SPRYD7: variants seen among roughly 807,000 people sequenced by gnomAD.
The protein encoded by SPRYD7 is SPRY domain-containing protein 7.
In SPRYD7, 14 loss-of-function variants were observed where a neutral mutation model predicts 23.8. The ratio of observed to expected loss-of-function variants is 0.59; its 90% confidence interval spans 0.39 to 0.92. The LOEUF is 0.92. SPRYD7 is among the 40% of genes least tolerant of loss of function. SPRYD7 has a pLI of 0.00. For missense variants in SPRYD7, 194 were observed against 241.7 expected, an observed-to-expected ratio of 0.80 and a Z score of 1.31; for synonymous variants, 75 against 84.9, an observed-to-expected ratio of 0.88 and a Z score of 0.64.
intron 4 of SPRYD7, among the ~76,000 whole-genome samples, chr13:49,918,859 A>G (rs1955783308): frequency 6.6e-6 from 1 of 151,406 alleles, no homozygotes; most frequent in Non-Finnish European, 1.5e-5. Context: ...GGATTACAGG[A>G]GTGCGCTACC....
chr13:49,925,720 G>T lies in SPRYD7; in HGVS notation c.390+2199C>A, dbSNP rs138970103. Among the ~76,000 whole-genome samples, 1,310 of 151,916 alleles carry T rather than the reference G, an allele frequency of 8.6e-3. 13 individuals are homozygous for T. The highest frequency in any genetic ancestry group is 0.029 in the African/African-American group (1,185 of 41,400). ...CCAGCTACTCAGGAGGCTGAGGCAG[G>T]AGTATGGCGTGAACCCAGGAGGTGT... On this transcript the variant is annotated intron_variant, in intron 3 of 4. Coordinates refer to ENST00000361840, the MANE Select transcript of SPRYD7 (RefSeq NM_020456.4).
At chr13:49,920,678 T>A (rs1261113529) in intron 4 of SPRYD7, among the ~76,000 whole-genome samples, 1 of 152,136 alleles carries the variant, frequency 6.6e-6, no homozygotes, top group African/African-American at 2.4e-5. Context: ...AAGGTCCTTA[T>A]GGCTGGGCAC....
chr13:49,931,459 C>A (rs184807068), intron 1 of SPRYD7, among the ~76,000 whole-genome samples: 1 of 152,116 alleles, frequency 6.6e-6, no homozygotes, highest in African/African-American at 2.4e-5. Flanking sequence ...GGATTACAGG[C>A]GTGAAGCACC....
intron 1 of SPRYD7, among the ~76,000 whole-genome samples, chr13:49,935,067 A>C (rs1277429520): frequency 6.6e-6 from 1 of 152,256 alleles, no homozygotes; most frequent in Non-Finnish European, 1.5e-5. Context: ...GAGAATTAAA[A>C]GTAAATACAC....
At chr13:49,917,590 T>C (rs1464913075) in intron 4 of SPRYD7, among the ~76,000 whole-genome samples, 3 of 152,238 alleles carry the variant, frequency 2.0e-5, no homozygotes, top group Non-Finnish European at 4.4e-5. Context: ...AAACACTTGG[T>C]TTAATTGGAC....
At chr13:49,924,938 T>G (rs996364292) in intron 3 of SPRYD7, among the ~76,000 whole-genome samples, 1 of 148,544 alleles carries the variant, frequency 6.7e-6, no homozygotes, top group Non-Finnish European at 1.5e-5. Context: ...ACTGCATCAT[T>G]GCACTTCAGC....
At chr13:49,915,609 C>T (rs1285326440) in intron 4 of SPRYD7, among the ~76,000 whole-genome samples, 1 of 152,184 alleles carries the variant, frequency 6.6e-6, no homozygotes, top group Non-Finnish European at 1.5e-5. Flanking sequence ...ATGACTACAG[C>T]TCAACATCCA....
intron 3 of SPRYD7, among the ~76,000 whole-genome samples, chr13:49,921,848 A>G (rs1396615183): frequency 6.6e-6 from 1 of 152,228 alleles, no homozygotes; most frequent in Admixed American, 6.5e-5. Flanking sequence ...TATAATCTGG[A>G]TTTTATATTT....
chr13:49,913,069 G>A lies in SPRYD7; in HGVS notation c.*1994C>T, dbSNP rs899321338. The A allele has an allele frequency of 3.3e-5, 5 of 152,180 alleles. No homozygotes were observed. The highest frequency in any genetic ancestry group is 1.2e-4 in the African/African-American group (5 of 41,446). 9.4% of individuals were successfully genotyped at this position (152,180 alleles called of 1,614,324 possible). Reference sequence around the variant, plus strand: ...GGTGGGTCTGGTGTGGGTTCTGAGAGTGTCCATTTTTAACAAGTTCCAGTG... The same window carrying A: ...GGTGGGTCTGGTGTGGGTTCTGAGAATGTCCATTTTTAACAAGTTCCAGTG... On this transcript the variant is annotated 3_prime_UTR_variant, in exon 5 of 5. Transcript: ENST00000361840.
At chr13:49,936,015 C>T (rs1016824605) in intron 1 of SPRYD7, 115 bp downstream of exon 1, 36 of 572,728 alleles carry the variant, frequency 6.3e-5, no homozygotes, top group Non-Finnish European at 9.4e-5. Context: ...ATGGTGTCGG[C>T]GCAGCGTCGC....
At chr13:49,925,319 G>A (rs1436060914) in intron 3 of SPRYD7, among the ~76,000 whole-genome samples, 1 of 152,160 alleles carries the variant, frequency 6.6e-6, no homozygotes, top group Non-Finnish European at 1.5e-5. Context: ...TTGAATCCAG[G>A]AGGTGGAGGT....
intron 2 of SPRYD7, among the ~76,000 whole-genome samples, chr13:49,928,434 C>G (rs185516227): frequency 1.3e-5 from 2 of 151,936 alleles, no homozygotes; most frequent in South Asian, 4.1e-4. Context: ...AAAGCCAGAC[C>G]CTGTCTCAAT....
intron 4 of SPRYD7, among the ~76,000 whole-genome samples, chr13:49,918,001 G>A (rs1469361954): frequency 3.3e-5 from 5 of 152,110 alleles, no homozygotes; most frequent in African/African-American, 1.2e-4. Context: ...ATTTGTTATT[G>A]TATAATTCTG....
Position 49,931,091 on chromosome 13 carries a change from T to C in SPRYD7, c.150A>G (p.Gly50=). 4 of 1,613,590 alleles carry C rather than the reference T, an allele frequency of 2.5e-6. No homozygotes were observed. Among genetic ancestry groups the C allele is most frequent in the Non-Finnish European group, 2.5e-6 (3 of 1,179,692 alleles). ...VIVKNGRRIC[G]TGGCLASAPL... Reference sequence around the variant, plus strand: ...GTGCGCTGGCTAAACAACCTCCTGTTCCACATATTCTTCTTCCATTCTTTA... The same window carrying C: ...GTGCGCTGGCTAAACAACCTCCTGTCCCACATATTCTTCTTCCATTCTTTA... Residue 50 remains glycine (G), a synonymous_variant, in exon 2 of 5, where the codon GGA becomes GGG. Transcript: ENST00000361840.
intron 4 of SPRYD7, among the ~76,000 whole-genome samples, chr13:49,921,156 G>T (rs1955814653): frequency 6.6e-6 from 1 of 152,132 alleles, no homozygotes; most frequent in South Asian, 2.1e-4. Context: ...AATCATGGGG[G>T]TGGTTACACT....
chr13:49,927,545 G>T (rs1272926821), intron 3 of SPRYD7, among the ~76,000 whole-genome samples: 2 of 151,238 alleles, frequency 1.3e-5, no homozygotes, highest in Non-Finnish European at 1.5e-5. Context: ...TTCCCTAAGA[G>T]ATATCCAGCC....
intron 4 of SPRYD7, among the ~76,000 whole-genome samples, chr13:49,920,594 A>C (rs1955806675): frequency 6.6e-6 from 1 of 152,208 alleles, no homozygotes; most frequent in African/African-American, 2.4e-5. Context: ...TTATTTTAAT[A>C]CATGGGGAAC....
At chr13:49,929,184 C>G (rs1311410604) in intron 2 of SPRYD7, among the ~76,000 whole-genome samples, 2 of 152,144 alleles carry the variant, frequency 1.3e-5, no homozygotes, top group Non-Finnish European at 2.9e-5. Flanking sequence ...GTGGCTTGAG[C>G]CTGTAGTTTC....
In SPRYD7 at chr13:49,914,800, T is replaced by G. The variant is rs1955734081; in HGVS notation, c.*263A>C. On this transcript the variant is annotated 3_prime_UTR_variant, in exon 5 of 5. Coordinates refer to ENST00000361840, the MANE Select transcript of SPRYD7 (RefSeq NM_020456.4). ...TTAAATATATATGTATATATAGTCA[T>G]GTTATACTGTTAATTAAACCCATAA... 1 of 184,776 alleles carries G rather than the reference T, an allele frequency of 5.4e-6. No homozygotes were observed. The highest frequency in any genetic ancestry group is 1.1e-5 in the Non-Finnish European group (1 of 87,156). 11.4% of individuals were successfully genotyped at this position (184,776 alleles called of 1,614,324 possible). A position where few individuals can be genotyped will look rare whatever the true frequency, so the allele number is the denominator to read the frequency against.
Sources: gnomAD v4.1 joint callset for allele counts (sites outside exome capture counted in the v4.1 genomes callset) on GRCh38, gnomAD v4.1.1 for gene constraint, MANE v1.5 for transcripts, NCBI Gene and HGNC (gene_info 2026-07-23, HGNC 2026-07-21) for gene names.